Variants in RPTOR observed in about 807,000 individuals in gnomAD.
RPTOR encodes regulatory associated protein of MTOR complex 1, also known as regulatory-associated protein of mTOR.
Under a neutral mutation model 169.9 loss-of-function variants are expected in RPTOR, and 21 were observed. The ratio of observed to expected loss-of-function variants is 0.12; its 90% confidence interval spans 0.09 to 0.18. The LOEUF is 0.18. Among genes scored for constraint, RPTOR ranks in the 10% least tolerant of loss-of-function variants. The probability of loss-of-function intolerance (pLI) is 1.00; values close to 1 mark genes in which losing one functional copy is unlikely to be tolerated. For synonymous variants in RPTOR, 732 were observed against 753.2 expected (o/e 0.97, Z 0.46); for missense variants, 1,133 against 1,855.9 (o/e 0.61, Z 7.16).
Position 80,743,872 on chromosome 17 carries a change from C to CTCTCCTGGTTACTAGCAG in RPTOR, c.655-10138_655-10137insTCTCCTGGTTACTAGCAG, listed in dbSNP as rs2066521163. Among the ~76,000 whole-genome samples the CTCTCCTGGTTACTAGCAG allele has an allele frequency of 1.4e-4, 9 of 62,176 alleles. 3 individuals are homozygous for CTCTCCTGGTTACTAGCAG. Among genetic ancestry groups the CTCTCCTGGTTACTAGCAG allele is most frequent in the Non-Finnish European group, 1.5e-4 (4 of 27,340 alleles). 40.8% of individuals were successfully genotyped at this position (62,176 alleles called of 152,430 possible). A position where few individuals can be genotyped will look rare whatever the true frequency, so the allele number is the denominator to read the frequency against. On this transcript the variant is annotated intron_variant, in intron 5 of 33. Transcript: ENST00000306801. Reference sequence around the variant, plus strand: ...ACTAGCAGAGCCCTGGCTACTAGCACAGCCCTGGCTACTAGCACTGTCCTG... The same window carrying CTCTCCTGGTTACTAGCAG: ...ACTAGCAGAGCCCTGGCTACTAGCACTCTCCTGGTTACTAGCAGAGCCCTGGCTACTAGCACTGTCCTG...
At chr17:80,903,055 A>AT (rs1383976881) in intron 20 of RPTOR, among the ~76,000 whole-genome samples, 2 of 152,192 alleles carry the variant, frequency 1.3e-5, no homozygotes, top group African/African-American at 2.4e-5. Flanking sequence ...ATACGGTGAC[A>AT]TTTTTTACGG....
intron 9 of RPTOR, among the ~76,000 whole-genome samples, chr17:80,828,806 T>C (rs1222111326): frequency 6.6e-6 from 1 of 152,200 alleles, no homozygotes; most frequent in East Asian, 1.9e-4. Flanking sequence ...TGGGAATAAC[T>C]CTACTACCTA....
At position 80,719,235 on chromosome 17, in the gene RPTOR, A is replaced by G. The variant is rs78579396; in HGVS notation, c.507+11236A>G. On this transcript the variant is annotated intron_variant, in intron 4 of 33. Coordinates refer to ENST00000306801, the MANE Select transcript of RPTOR (RefSeq NM_020761.3). ...AGGATCCTGGCAGGTGATGGGGAGG[A>G]GAATTGGGAGAAAATGGCATGGGGG... Among the ~76,000 whole-genome samples the G allele has an allele frequency of 4.9e-3, 742 of 152,084 alleles. 12 individuals are homozygous for G. The highest frequency in any genetic ancestry group is 0.038 in the East Asian group (196 of 5,168).
rs1036150050 is a variant in RPTOR, at chr17:80,560,843, G to A, written c.162+15052G>A. 5.3e-4 allele frequency among the ~76,000 whole-genome samples: 80 copies of A among 152,224 alleles called. 1 individual carries two copies. The highest frequency in any genetic ancestry group is 1.2e-4 in the African/African-American group (5 of 41,522). On this transcript the variant is annotated intron_variant, in intron 1 of 33. Transcript: ENST00000306801. The stretch of plus-strand genomic sequence containing the variant: ...GGACTCTGTGTTCACTGCTGAGCCC[G>A]AGGCTGTTCCCGGGGTGACTGGCGG...
chr17:80,835,997 T>C (rs2067559450), intron 9 of RPTOR, among the ~76,000 whole-genome samples: 1 of 152,144 alleles, frequency 6.6e-6, no homozygotes, highest in African/African-American at 2.4e-5. Context: ...TCAGCCGCTC[T>C]ACGAGGACGC....
chr17:80,960,329 C>T lies in RPTOR; in HGVS notation c.3605+124C>T. 7.5e-7 allele frequency: 1 copy of T among 1,329,932 alleles called. No homozygotes were observed. The highest frequency in any genetic ancestry group is 2.5e-5 in the East Asian group (1 of 40,688). 82.4% of individuals were successfully genotyped at this position (1,329,932 alleles called of 1,614,324 possible). A position where few individuals can be genotyped will look rare whatever the true frequency, so the allele number is the denominator to read the frequency against. On this transcript the variant is annotated intron_variant, in intron 30 of 33. Coordinates refer to ENST00000306801, the MANE Select transcript of RPTOR (RefSeq NM_020761.3). This position sits in a 1 kb window ranked among gnomAD's most constrained non-coding sequence, Gnocchi z 4.8. The stretch of plus-strand genomic sequence containing the variant: ...GTGAGATGCAAAGCTTCCCCAGGAG[C>T]CTGCAGTGGCGTATTTAGGCCAGTC...
intron 3 of RPTOR, among the ~76,000 whole-genome samples, chr17:80,662,301 C>A (rs2065730634): frequency 6.6e-6 from 1 of 152,208 alleles, no homozygotes; most frequent in Non-Finnish European, 1.5e-5. Context: ...GTCTGCTGCA[C>A]AGACAAAACC....
chr17:80,876,651 G>A (rs1353115397), intron 13 of RPTOR, among the ~76,000 whole-genome samples: 1 of 124,390 alleles, frequency 8.0e-6, no homozygotes, highest in South Asian at 2.8e-4. Context: ...CACCGAGCCC[G>A]TGCCACGCAG....
chr17:80,878,585 AC>A lies in RPTOR; in HGVS notation c.1510-1827del, dbSNP rs904139648. On this transcript the variant is annotated intron_variant, in intron 13 of 33. Transcript: ENST00000306801. The surrounding 1 kb of genome is among the most constrained non-coding windows in gnomAD (Gnocchi z 4.1). ...CTGGTCTCGAACTCCTGACCTTGTG[AC>A]CCGCCTGTCTCAGCCTCCCAAAGTG... Among the ~76,000 whole-genome samples the A allele has an allele frequency of 1.3e-5, 2 of 151,690 alleles. No homozygotes were observed. The highest frequency in any genetic ancestry group is 2.4e-5 in the African/African-American group (1 of 41,224).
At chr17:80,716,277 G>C (rs1025105415) in intron 4 of RPTOR, among the ~76,000 whole-genome samples, 1 of 152,132 alleles carries the variant, frequency 6.6e-6, no homozygotes, top group Non-Finnish European at 1.5e-5. Flanking sequence ...AGGTAAGGTG[G>C]TATCTATTGC....
chr17:80,595,862 T>C (rs898110388), intron 1 of RPTOR, among the ~76,000 whole-genome samples: 4 of 152,176 alleles, frequency 2.6e-5, no homozygotes, highest in African/African-American at 9.7e-5. Context: ...TGATTCTTCT[T>C]ATAGGAGTCT....
chr17:80,761,893 C>G (rs537239135), intron 6 of RPTOR, among the ~76,000 whole-genome samples: 1 of 152,234 alleles, frequency 6.6e-6, no homozygotes, highest in African/African-American at 2.4e-5. Context: ...ATAAAATGCT[C>G]TTTTGTAGTA....
At chr17:80,621,158 G>A (rs1234399137) in intron 1 of RPTOR, among the ~76,000 whole-genome samples, 2 of 152,164 alleles carry the variant, frequency 1.3e-5, no homozygotes, top group African/African-American at 4.8e-5. Flanking sequence ...GTCTCTCTAG[G>A]TAGCATTTGG....
At chr17:80,720,680 T>G (rs1179230375) in intron 4 of RPTOR, among the ~76,000 whole-genome samples, 2 of 152,214 alleles carry the variant, frequency 1.3e-5, no homozygotes, top group Non-Finnish European at 2.9e-5. Flanking sequence ...GCCCTGCATT[T>G]AAAACCACGG....
At chr17:80,752,435 G>A (rs2066639672) in intron 5 of RPTOR, among the ~76,000 whole-genome samples, 1 of 152,238 alleles carries the variant, frequency 6.6e-6, no homozygotes, top group Non-Finnish European at 1.5e-5. Flanking sequence ...CTGTTTGGTG[G>A]AACTGGTTCT....
intron 9 of RPTOR, among the ~76,000 whole-genome samples, chr17:80,828,850 TAAAAG>T (rs71166105): frequency 0.15 from 23,082 of 152,140 alleles, 1,869 homozygotes; most frequent in Middle Eastern, 0.23. Flanking sequence ...AACGGATACT[TAAAAG>T]AAAATGTAAG....
chr17:80,557,350 A>C (rs1321385609), intron 1 of RPTOR, among the ~76,000 whole-genome samples: 2 of 150,982 alleles, frequency 1.3e-5, no homozygotes, highest in Admixed American at 1.3e-4. Flanking sequence ...TGAAACACCC[A>C]TCTCTACCAA....
At chr17:80,776,772 T>A (rs1190380065) in intron 6 of RPTOR, among the ~76,000 whole-genome samples, 2 of 152,182 alleles carry the variant, frequency 1.3e-5, no homozygotes, top group Non-Finnish European at 2.9e-5. Context: ...ATTCTGCAGG[T>A]CCTGTACGTG....
At position 80,766,804 on chromosome 17, in the gene RPTOR, A is replaced by T. The variant is rs147677834; in HGVS notation, c.830+12619A>T. Among the ~76,000 whole-genome samples the T allele has an allele frequency of 8.2e-3, 1,244 of 151,486 alleles. 10 individuals carry two copies. Among genetic ancestry groups the T allele is most frequent in the Middle Eastern group, 0.02 (6 of 294 alleles). ...GTAGTTTTTAATTAAAAAACTCTCA[A>T]ATGTATGGTCTAAGTTTTTCTTTAA... On this transcript the variant is annotated intron_variant, in intron 6 of 33. Coordinates refer to ENST00000306801, the MANE Select transcript of RPTOR (RefSeq NM_020761.3).
Sources: gnomAD v4.1 joint callset for allele counts (sites outside exome capture counted in the v4.1 genomes callset) on GRCh38, gnomAD v4.1.1 for gene constraint, Gnocchi (gnomAD v3.1) non-coding constraint, MANE v1.5 for transcripts, NCBI Gene and HGNC (gene_info 2026-07-23, HGNC 2026-07-21) for gene names.